CTNNA3: variants seen among roughly 807,000 people sequenced by gnomAD.
The protein encoded by CTNNA3 is catenin alpha 3.
In CTNNA3, 76 loss-of-function variants were observed where a neutral mutation model predicts 95.7. The ratio of observed to expected loss-of-function variants is 0.79; its 90% confidence interval spans 0.66 to 0.96. CTNNA3 has a LOEUF of 0.96. CTNNA3 is among the 40% of genes least tolerant of loss of function. The probability of loss-of-function intolerance (pLI) is 0.00; values close to 1 mark genes in which losing one functional copy is unlikely to be tolerated. For missense variants in CTNNA3, 1,191 were observed against 1,089.8 expected, an observed-to-expected ratio of 1.09 and a Z score of -1.31; for synonymous variants, 431 against 374.4, an observed-to-expected ratio of 1.15 and a Z score of -1.74.
chr10:67,698,848 C>G (rs1316219279), upstream of CTNNA3, among the ~76,000 whole-genome samples: 1 of 143,718 alleles, frequency 7.0e-6, no homozygotes, highest in Admixed American at 6.9e-5. Flanking sequence ...ACTATTAATA[C>G]AAAAAAAAAA....
At chr10:66,562,952 C>T (rs374095132) in intron 10 of CTNNA3, among the ~76,000 whole-genome samples, 26 of 152,000 alleles carry the variant, frequency 1.7e-4, no homozygotes, top group Non-Finnish European at 3.1e-4. Flanking sequence ...AATAATTTTT[C>T]GTGAAAATAT....
chr10:67,456,860 C>A lies in CTNNA3; in HGVS notation c.579+64982G>T, dbSNP rs577505405. ...TAAAAGATGTTCACAGCAATGTAAC[C>A]AAGGTGACTACTGCCCTGAAAATAG... On this transcript the variant is annotated intron_variant, in intron 5 of 17. Coordinates refer to ENST00000433211, the MANE Select transcript of CTNNA3 (RefSeq NM_013266.4). Among the ~76,000 whole-genome samples, 24 of 152,118 alleles carry A rather than the reference C, an allele frequency of 1.6e-4. No individual in the cohort carries two copies. In the Middle Eastern group the frequency reaches 0.01, roughly 65 times the overall value.
chr10:67,572,714 T>C (rs1842017593), intron 3 of CTNNA3, among the ~76,000 whole-genome samples: 1 of 152,190 alleles, frequency 6.6e-6, no homozygotes, highest in South Asian at 2.1e-4. Context: ...CTGAGTTACC[T>C]AAGTGCTAAA....
At chr10:67,028,593 T>C (rs1853530796) in intron 7 of CTNNA3, among the ~76,000 whole-genome samples, 1 of 150,892 alleles carries the variant, frequency 6.6e-6, no homozygotes, top group Non-Finnish European at 1.5e-5. Context: ...GCAATGAGAA[T>C]TTTCCAGGCC....
intron 7 of CTNNA3, among the ~76,000 whole-genome samples, chr10:67,149,571 A>ATAGT (rs1027009143): frequency 1.1e-4 from 16 of 152,200 alleles, no homozygotes; most frequent in African/African-American, 3.9e-4. Context: ...GGCAACAGAG[A>ATAGT]TAGACTCCGT....
chr10:65,959,684 C>G (rs1481677447), intron 17 of CTNNA3, among the ~76,000 whole-genome samples: 1 of 152,178 alleles, frequency 6.6e-6, no homozygotes, highest in Non-Finnish European at 1.5e-5. Context: ...ACCACCACAC[C>G]TGGCTAATAT....
intron 16 of CTNNA3, among the ~76,000 whole-genome samples, chr10:65,973,824 A>C (rs1475678222): frequency 6.6e-6 from 1 of 152,132 alleles, no homozygotes; most frequent in Non-Finnish European, 1.5e-5. Flanking sequence ...GCTCATCATG[A>C]GGAATCTGCC....
At chr10:66,951,982 G>C (rs185946801) in intron 7 of CTNNA3, among the ~76,000 whole-genome samples, 13 of 152,306 alleles carry the variant, frequency 8.5e-5, no homozygotes, top group Middle Eastern at 6.8e-3. Flanking sequence ...TTTTCAGAGA[G>C]GGAGCTAGTG....
chr10:66,690,701 T>C (rs537789425), intron 9 of CTNNA3, among the ~76,000 whole-genome samples: 1 of 152,040 alleles, frequency 6.6e-6, no homozygotes, highest in Admixed American at 6.6e-5. Flanking sequence ...ATGTGCCACA[T>C]TTTCTTAATC....
chr10:67,052,396 T>C (rs1228948556), intron 7 of CTNNA3, among the ~76,000 whole-genome samples: 1 of 151,396 alleles, frequency 6.6e-6, no homozygotes, highest in Non-Finnish European at 1.5e-5. Context: ...GTCTATTCCA[T>C]GGGCTTCACT....
chr10:67,399,992 A>G (rs1208215974), intron 5 of CTNNA3, among the ~76,000 whole-genome samples: 2 of 152,110 alleles, frequency 1.3e-5, no homozygotes, highest in Non-Finnish European at 2.9e-5. Flanking sequence ...ATATGTATAC[A>G]TGGGCCATGT....
chr10:67,523,171 C>A (rs976284471), intron 4 of CTNNA3, among the ~76,000 whole-genome samples: 1 of 152,186 alleles, frequency 6.6e-6, no homozygotes, highest in African/African-American at 2.4e-5. Context: ...TGGGAAATAA[C>A]AGTGCTAAGC....
chr10:67,034,315 G>A (rs1339090911), intron 7 of CTNNA3, among the ~76,000 whole-genome samples: 1 of 152,118 alleles, frequency 6.6e-6, no homozygotes, highest in African/African-American at 2.4e-5. Context: ...CATTCAACAA[G>A]CACAAATCAA....
intron 9 of CTNNA3, among the ~76,000 whole-genome samples, chr10:66,724,577 A>G (rs1480951207): frequency 6.6e-6 from 1 of 152,206 alleles, no homozygotes; most frequent in Non-Finnish European, 1.5e-5. Context: ...ACCAATTGAC[A>G]GTGAGAAGAA....
intron 5 of CTNNA3, among the ~76,000 whole-genome samples, chr10:67,223,299 T>C (rs1024652824): frequency 6.6e-6 from 1 of 152,212 alleles, no homozygotes; most frequent in Non-Finnish European, 1.5e-5. Flanking sequence ...GGTAGTGGTG[T>C]TTGTAGTTGT....
intron 7 of CTNNA3, among the ~76,000 whole-genome samples, chr10:67,001,307 A>G (rs901495268): frequency 1.3e-5 from 2 of 150,996 alleles, no homozygotes; most frequent in African/African-American, 2.4e-5. Flanking sequence ...CTAAAAAAAA[A>G]AAAAAGAAAA....
chr10:67,493,852 T>G (rs1838940984), intron 5 of CTNNA3, among the ~76,000 whole-genome samples: 1 of 152,160 alleles, frequency 6.6e-6, no homozygotes, highest in Non-Finnish European at 1.5e-5. Flanking sequence ...GGTATTGCTT[T>G]GAAAGAAGGT....
intron 10 of CTNNA3, among the ~76,000 whole-genome samples, chr10:66,532,161 A>G (rs1451779604): frequency 1.3e-5 from 2 of 152,062 alleles, no homozygotes; most frequent in Non-Finnish European, 1.5e-5. Flanking sequence ...AGGTTGGCAA[A>G]AGTTAAAAAG....
chr10:66,389,417 G>T (rs117366024), intron 11 of CTNNA3, among the ~76,000 whole-genome samples: 1 of 152,170 alleles, frequency 6.6e-6, no homozygotes, highest in Non-Finnish European at 1.5e-5. Context: ...GAATGTCCTG[G>T]TGTTAGCGTA....
Sources: gnomAD v4.1 joint callset for allele counts (sites outside exome capture counted in the v4.1 genomes callset) on GRCh38, gnomAD v4.1.1 for gene constraint, MANE v1.5 for transcripts, NCBI Gene and HGNC (gene_info 2026-07-23, HGNC 2026-07-21) for gene names.